SLC6A11: variants seen among roughly 807,000 people sequenced by gnomAD.
SLC6A11 encodes the protein solute carrier family 6 member 11, also known as sodium- and chloride-dependent GABA transporter 3.
A neutral mutation model predicts 74.8 loss-of-function variants in SLC6A11; 25 were observed. The ratio of observed to expected loss-of-function variants is 0.33; its 90% CI spans 0.24 to 0.47. The LOEUF is 0.47. Ranked by LOEUF, SLC6A11 falls within the 20% of genes least tolerant of loss-of-function variation. The probability of loss-of-function intolerance (pLI) is 1.00; values close to 1 mark genes in which losing one functional copy is unlikely to be tolerated. For missense variants in SLC6A11, 574 were observed against 837.0 expected (o/e 0.69, Z 3.88); for synonymous variants, 330 against 330.2 (o/e 1.00, Z 0.01).
At chr3:10,903,583 G>T (rs968025648) in intron 6 of SLC6A11, among the ~76,000 whole-genome samples, 1 of 152,340 alleles carries the variant, frequency 6.6e-6, no homozygotes, top group African/African-American at 2.4e-5. Flanking sequence ...CTTGTGCCTG[G>T]CACATGGTAG....
chr3:10,823,061 G>A (rs1205401278), intron 3 of SLC6A11, among the ~76,000 whole-genome samples: 2 of 152,186 alleles, frequency 1.3e-5, no homozygotes, highest in African/African-American at 2.4e-5. Context: ...TTGATAGGGA[G>A]TGTTGGTTAG....
intron 6 of SLC6A11, among the ~76,000 whole-genome samples, chr3:10,884,038 A>G (rs1695013886): frequency 6.6e-6 from 1 of 152,206 alleles, no homozygotes; most frequent in African/African-American, 2.4e-5. Flanking sequence ...GCCAATGACA[A>G]CAGTGGTGCC....
chr3:10,911,477 G>T (rs1400772691), intron 6 of SLC6A11, among the ~76,000 whole-genome samples: 1 of 152,134 alleles, frequency 6.6e-6, no homozygotes, highest in Non-Finnish European at 1.5e-5. Context: ...TAGAGGGGGG[G>T]AGTCTGTTCT....
chr3:10,912,867 G>A (rs1187116053), intron 7 of SLC6A11, among the ~76,000 whole-genome samples: 1 of 152,068 alleles, frequency 6.6e-6, no homozygotes, highest in African/African-American at 2.4e-5. Flanking sequence ...TGAGGTTTCG[G>A]TCCACTGGGG....
intron 5 of SLC6A11, among the ~76,000 whole-genome samples, chr3:10,852,981 C>T (rs1694594929): frequency 6.6e-6 from 1 of 152,188 alleles, no homozygotes; most frequent in African/African-American, 2.4e-5. Flanking sequence ...AGGAGCCCTG[C>T]CCCGCCACTT....
At chr3:10,837,834 C>A (rs1255968362) in intron 4 of SLC6A11, among the ~76,000 whole-genome samples, 2 of 152,204 alleles carry the variant, frequency 1.3e-5, no homozygotes, top group Non-Finnish European at 2.9e-5. Flanking sequence ...CGGAGTCCCC[C>A]CATAAATGTG....
At chr3:10,917,499 CCAGGCACTA>C (rs1284325541) in intron 7 of SLC6A11, among the ~76,000 whole-genome samples, 1 of 152,176 alleles carries the variant, frequency 6.6e-6, no homozygotes, top group African/African-American at 2.4e-5. Flanking sequence ...AAGTCTCAGT[CCAGGCACTA>C]CAGTGGTTGA....
At chr3:10,835,248 C>A (rs894775268) in intron 4 of SLC6A11, among the ~76,000 whole-genome samples, 1 of 152,198 alleles carries the variant, frequency 6.6e-6, no homozygotes, top group Non-Finnish European at 1.5e-5. Context: ...GTGACCTGGG[C>A]AGCATTTTTA....
chr3:10,933,866 G>C, intron 11 of SLC6A11, 200 bp from the exon 12 acceptor site: 1 of 480,928 alleles, frequency 2.1e-6, no homozygotes, highest in East Asian at 3.5e-5. Flanking sequence ...CTCCAGTAGT[G>C]GGCCAGCATC....
In SLC6A11 at chr3:10,925,909, C is replaced by T. The variant is rs561924824; in HGVS notation, c.1121-95C>T. 6.5e-5 allele frequency: 47 copies of T among 723,402 alleles called. No individual in the cohort carries two copies. In the South Asian group the frequency reaches 6.9e-4, roughly 11 times the overall value. 44.8% of individuals were successfully genotyped at this position (723,402 alleles called of 1,614,324 possible). ...AGTGAGAGGCAGGCACAGTGCCTGG[C>T]GCAGAGGAGGCACTCAGTAAATGCT... On this transcript the variant is annotated intron_variant, in intron 8 of 13. Transcript: ENST00000254488.
chr3:10,886,475 G>A, intron 6 of SLC6A11, among the ~76,000 whole-genome samples: 1 of 152,252 alleles, frequency 6.6e-6, no homozygotes, highest in Admixed American at 6.5e-5. Flanking sequence ...GCAGATCTCA[G>A]CTCCAAAGTC....
intron 4 of SLC6A11, among the ~76,000 whole-genome samples, chr3:10,837,479 T>C (rs1694381587): frequency 6.6e-6 from 1 of 152,208 alleles, no homozygotes; most frequent in Non-Finnish European, 1.5e-5. Context: ...TGAACAGATA[T>C]GGCTTCAAGA....
chr3:10,859,421 C>T (rs897841922), intron 5 of SLC6A11, among the ~76,000 whole-genome samples: 2 of 152,130 alleles, frequency 1.3e-5, no homozygotes, highest in Middle Eastern at 3.4e-3. Context: ...CTTTGAGGAC[C>T]CATTAATGTC....
At chr3:10,853,891 A>T (rs920280682) in intron 5 of SLC6A11, among the ~76,000 whole-genome samples, 1 of 152,146 alleles carries the variant, frequency 6.6e-6, no homozygotes, top group East Asian at 1.9e-4. Flanking sequence ...GCCCTGCCTC[A>T]CACCTGGATG....
intron 5 of SLC6A11, among the ~76,000 whole-genome samples, chr3:10,854,238 A>G (rs1694611459): frequency 6.6e-6 from 1 of 152,040 alleles, no homozygotes; most frequent in Admixed American, 6.5e-5. Context: ...AAATACAAAA[A>G]ATTAGCCAGG....
At position 10,918,685 on chromosome 3, in the gene SLC6A11, C is replaced by T. The variant is rs141434378; in HGVS notation, c.1120+232C>T. 4.6e-5 allele frequency among the ~76,000 whole-genome samples: 7 copies of T among 152,224 alleles called. No homozygotes were observed. Among genetic ancestry groups the T allele is most frequent in the Middle Eastern group, 3.4e-3 (1 of 294 alleles). On this transcript the variant is annotated intron_variant, in intron 8 of 13. Transcript: ENST00000254488. This position sits in a 1 kb window ranked among gnomAD's most constrained non-coding sequence, Gnocchi z 4.5. The stretch of plus-strand genomic sequence containing the variant: ...TCCCCGAGTTTTGTAGATGCTGTTG[C>T]CCACTTCATTCATTTCTCCCAAGCT...
At chr3:10,901,802 G>A (rs1197072286) in intron 6 of SLC6A11, among the ~76,000 whole-genome samples, 11 of 152,196 alleles carry the variant, frequency 7.2e-5, no homozygotes, top group Non-Finnish European at 1.2e-4. Flanking sequence ...GAGCAAGGGC[G>A]CCTAGCAACC....
intron 5 of SLC6A11, among the ~76,000 whole-genome samples, chr3:10,864,900 G>A (rs1694745671): frequency 6.6e-6 from 1 of 152,124 alleles, no homozygotes; most frequent in South Asian, 2.1e-4. Context: ...CCAGCCAATG[G>A]ATTATCACCT....
intron 4 of SLC6A11, among the ~76,000 whole-genome samples, chr3:10,838,066 T>C (rs527936121): frequency 6.6e-6 from 1 of 152,318 alleles, no homozygotes; most frequent in South Asian, 2.1e-4. Flanking sequence ...TGGCAGCACT[T>C]TCCTCAGTGG....
Sources: allele counts gnomAD v4.1 joint callset (sites outside exome capture counted in the v4.1 genomes callset), GRCh38; gene constraint gnomAD v4.1.1; non-coding constraint Gnocchi (gnomAD v3.1); transcripts MANE v1.5; gene names NCBI Gene and HGNC (gene_info 2026-07-23, HGNC 2026-07-21).